The following LINGO2 variants were observed in gnomAD, a reference collection of about 807,000 sequenced individuals.
LINGO2 encodes leucine-rich repeat and immunoglobulin-like domain-containing nogo receptor-interacting protein 2.
LINGO2 carries 14 observed loss-of-function variants against 30.6 expected under a neutral mutation model. The ratio of observed to expected loss-of-function variants is 0.46; its 90% confidence interval spans 0.30 to 0.72. The LOEUF is 0.72. Among genes scored for constraint, LINGO2 ranks in the 30% least tolerant of loss-of-function variants. The pLI is 0.07. For synonymous variants in LINGO2, 317 were observed against 288.5 expected, an observed-to-expected ratio of 1.10 and a Z score of -1.00; for missense variants, 729 against 751.7, an observed-to-expected ratio of 0.97 and a Z score of 0.35.
chr9:28,323,496 A>T (rs7853271), intron 3 of LINGO2, among the ~76,000 whole-genome samples: 2 of 151,738 alleles, frequency 1.3e-5, no homozygotes, highest in Non-Finnish European at 2.9e-5. Flanking sequence ...GCTAATTGGG[A>T]GGCTGAGGCA....
At chr9:29,007,525 C>T in the LINGO2 span, among the ~76,000 whole-genome samples, 1 of 152,094 alleles carries the variant, frequency 6.6e-6, no homozygotes, top group Non-Finnish European at 1.5e-5. Context: ...ACTCTCCTTG[C>T]CTCATTTCCA....
chr9:28,650,388 C>T (rs762699425), intron 1 of LINGO2, among the ~76,000 whole-genome samples: 13 of 152,118 alleles, frequency 8.5e-5, no homozygotes, highest in Non-Finnish European at 1.8e-4. Context: ...AAATGTAGTG[C>T]TGGTTCTATG....
chr9:28,262,662 A>G (rs999690656), intron 4 of LINGO2, among the ~76,000 whole-genome samples: 5 of 151,980 alleles, frequency 3.3e-5, no homozygotes, highest in Non-Finnish European at 7.4e-5. Context: ...ATATATAAGA[A>G]GAAATTTTAA....
intron 1 of LINGO2, among the ~76,000 whole-genome samples, chr9:28,634,807 A>G (rs1827180179): frequency 6.6e-6 from 1 of 152,166 alleles, no homozygotes; most frequent in Non-Finnish European, 1.5e-5. Flanking sequence ...AACCAAAGTA[A>G]CATGGGAGGA....
At chr9:28,513,818 G>A (rs1186982356) in intron 1 of LINGO2, among the ~76,000 whole-genome samples, 5 of 152,172 alleles carry the variant, frequency 3.3e-5, no homozygotes, top group Admixed American at 6.5e-5. Context: ...AGGACATACC[G>A]ACTTCGTGAA....
intron 3 of LINGO2, among the ~76,000 whole-genome samples, chr9:28,297,772 T>C (rs1437624404): frequency 6.6e-6 from 1 of 152,170 alleles, no homozygotes; most frequent in African/African-American, 2.4e-5. Flanking sequence ...AATCAGATAA[T>C]CCAACCAATT....
the LINGO2 span, among the ~76,000 whole-genome samples, chr9:29,195,481 T>A: frequency 2.6e-5 from 4 of 152,078 alleles, no homozygotes; most frequent in African/African-American, 9.7e-5. Context: ...TTTTCCAATT[T>A]TTTTCAATTT....
chr9:28,700,262 G>C, the LINGO2 span, among the ~76,000 whole-genome samples: 6 of 151,798 alleles, frequency 4.0e-5, no homozygotes, highest in Non-Finnish European at 8.8e-5. Flanking sequence ...TGAAATACTG[G>C]GGGCAGGTTC....
chr9:28,090,197 T>C (rs1826037150), intron 4 of LINGO2, among the ~76,000 whole-genome samples: 1 of 152,146 alleles, frequency 6.6e-6, no homozygotes, highest in African/African-American at 2.4e-5. Context: ...GAGGGAGTCC[T>C]CCCTAACTCA....
intron 1 of LINGO2, among the ~76,000 whole-genome samples, chr9:28,632,700 C>CTATATATTTATATATTTTTA (rs1220118530): frequency 1.1e-4 from 14 of 127,102 alleles, no homozygotes; most frequent in African/African-American, 4.0e-4. Context: ...TTATATAGAT[C>CTATATATTTATATATTTTTA]TATATATTTA....
At chr9:28,992,901 A>ACT in the LINGO2 span, among the ~76,000 whole-genome samples, 2 of 152,070 alleles carry the variant, frequency 1.3e-5, no homozygotes, top group African/African-American at 4.8e-5. Context: ...AAATGCCCAC[A>ACT]AGAGTAAGCA....
intron 3 of LINGO2, among the ~76,000 whole-genome samples, chr9:28,357,327 C>CCCCA (rs55802733): frequency 7.9e-5 from 11 of 139,712 alleles, no homozygotes; most frequent in East Asian, 2.3e-4. Flanking sequence ...CCACCCCCCC[C>CCCCA]AAAAAAGAAA....
At chr9:28,954,483 TG>T in the LINGO2 span, among the ~76,000 whole-genome samples, 2 of 152,276 alleles carry the variant, frequency 1.3e-5, no homozygotes, top group African/African-American at 4.8e-5. Context: ...TGTTTTTTTT[TG>T]CTTGTTTACT....
At chr9:27,999,149 G>C (rs1563896911) in intron 5 of LINGO2, among the ~76,000 whole-genome samples, 1 of 151,806 alleles carries the variant, frequency 6.6e-6, no homozygotes, top group Non-Finnish European at 1.5e-5. Context: ...CATACTCCAG[G>C]TTAGTGCACA....
the LINGO2 span, among the ~76,000 whole-genome samples, chr9:28,858,204 TTA>T: frequency 2.0e-5 from 3 of 152,012 alleles, no homozygotes; most frequent in Non-Finnish European, 4.4e-5. Context: ...TTCTCTGGCT[TTA>T]TGTTATTTAA....
intron 4 of LINGO2, among the ~76,000 whole-genome samples, chr9:28,020,393 G>C (rs1230272228): frequency 6.6e-6 from 1 of 152,112 alleles, no homozygotes; most frequent in East Asian, 1.9e-4. Context: ...GCCAGGTGTG[G>C]TGGCAGGCAC....
At chr9:28,920,357 G>A in the LINGO2 span, among the ~76,000 whole-genome samples, 6 of 151,656 alleles carry the variant, frequency 4.0e-5, no homozygotes, top group African/African-American at 1.2e-4. Context: ...TAATATAACT[G>A]GATTTCCTCT....
chr9:28,309,651 A>T (rs571296679), intron 3 of LINGO2, among the ~76,000 whole-genome samples: 48 of 152,162 alleles, frequency 3.2e-4, no homozygotes, highest in Admixed American at 8.5e-4. Context: ...GAAAAAATTT[A>T]AAAAAATTGA....
At chr9:27,986,729 A>C (rs79785942) in intron 5 of LINGO2, among the ~76,000 whole-genome samples, 1 of 151,820 alleles carries the variant, frequency 6.6e-6, no homozygotes, top group African/African-American at 2.4e-5. Context: ...CTGTAAAACT[A>C]GTTTCCTAAA....
Sources: gnomAD v4.1 joint callset for allele counts (sites outside exome capture counted in the v4.1 genomes callset) on GRCh38, gnomAD v4.1.1 for gene constraint, MANE v1.5 for transcripts, NCBI Gene and HGNC (gene_info 2026-07-23, HGNC 2026-07-21) for gene names.